The following UPF2 variants were observed in gnomAD, a reference collection of about 807,000 sequenced individuals.
UPF2 encodes regulator of nonsense transcripts 2.
Under a neutral mutation model 141.4 loss-of-function variants are expected in UPF2, and 17 were observed. The ratio of observed to expected loss-of-function variants is 0.12; its 90% CI spans 0.08 to 0.18. The LOEUF (loss-of-function observed/expected upper bound fraction) is 0.18. UPF2 is among the 10% of genes least tolerant of loss of function. The pLI is 1.00. For synonymous variants in UPF2, 540 were observed against 498.0 expected, an observed-to-expected ratio of 1.08 and a Z score of -1.12; for missense variants, 1,152 against 1,515.9, an observed-to-expected ratio of 0.76 and a Z score of 3.99.
At chr10:11,952,777 G>C (rs80213732) in intron 14 of UPF2, among the ~76,000 whole-genome samples, 1 of 151,846 alleles carries the variant, frequency 6.6e-6, no homozygotes, top group East Asian at 1.9e-4. Context: ...CCCGGCCCTA[G>C]ATATCTTTTT....
intron 3 of UPF2, among the ~76,000 whole-genome samples, chr10:12,018,882 T>C (rs924417119): frequency 5.9e-5 from 9 of 152,158 alleles, no homozygotes; most frequent in Non-Finnish European, 1.2e-4. Context: ...CAGGAAAAGG[T>C]TTTCAGTTTA....
At chr10:11,975,969 G>A (rs1160184105) in intron 9 of UPF2, among the ~76,000 whole-genome samples, 1 of 152,148 alleles carries the variant, frequency 6.6e-6, no homozygotes, top group Non-Finnish European at 1.5e-5. Flanking sequence ...TTGGTACATA[G>A]ATTTGTTTAC....
At chr10:11,986,113 T>TG (rs1833687988) in intron 8 of UPF2, among the ~76,000 whole-genome samples, 1 of 151,730 alleles carries the variant, frequency 6.6e-6, no homozygotes, top group African/African-American at 2.4e-5. Flanking sequence ...CTCGATCTCC[T>TG]GACCTTGTGA....
At chr10:11,955,147 C>T (rs546948991) in intron 14 of UPF2, 85 bp downstream of exon 14, 17 of 1,268,188 alleles carry the variant, frequency 1.3e-5, no homozygotes, top group Non-Finnish European at 1.7e-5. Flanking sequence ...ATATGAATAC[C>T]ATAACGTTTC....
chr10:12,012,253 C>T (rs1834140930), intron 4 of UPF2, among the ~76,000 whole-genome samples: 1 of 4,674 alleles, frequency 2.1e-4, no homozygotes, highest in Non-Finnish European at 3.6e-4. Flanking sequence ...AGTAGAGACA[C>T]GGTTTCACCA....
At chr10:11,997,222 GC>G (rs1833879089) in intron 8 of UPF2, among the ~76,000 whole-genome samples, 1 of 152,032 alleles carries the variant, frequency 6.6e-6, no homozygotes, top group Admixed American at 6.6e-5. Flanking sequence ...GAGTCTCTAG[GC>G]AGGCTATCAT....
At position 12,031,030 on chromosome 10, in the gene UPF2, C is replaced by T. The variant is rs576090056; in HGVS notation, c.366-1506G>A. Among the ~76,000 whole-genome samples the T allele has an allele frequency of 4.1e-5, 6 of 147,810 alleles. No individual in the cohort carries two copies. The East Asian group carries it at 8.0e-4, about 20-fold the overall frequency. On this transcript the variant is annotated intron_variant, in intron 2 of 21. Coordinates refer to ENST00000357604, the MANE Select transcript of UPF2 (RefSeq NM_015542.4). ...TCTACTAAAAATACAAAAAATTAGC[C>T]GGGCGCAGTGGCAGGCACCTGTAAT...
At chr10:11,972,071 A>C (rs1254743795) in intron 9 of UPF2, among the ~76,000 whole-genome samples, 1 of 151,780 alleles carries the variant, frequency 6.6e-6, no homozygotes, top group Non-Finnish European at 1.5e-5. Context: ...CTCAAAAAAA[A>C]AAAAAAAAAA....
intron 2 of UPF2, among the ~76,000 whole-genome samples, chr10:12,031,814 C>T (rs1467437091): frequency 6.6e-6 from 1 of 152,066 alleles, no homozygotes; most frequent in African/African-American, 2.4e-5. Flanking sequence ...TAAAAAAGTA[C>T]ATTTTCATCT....
At chr10:12,036,735 T>C (rs1240124132) in intron 1 of UPF2, among the ~76,000 whole-genome samples, 2 of 152,266 alleles carry the variant, frequency 1.3e-5, no homozygotes, top group South Asian at 2.1e-4. Flanking sequence ...TATAAGAAAA[T>C]CAAAATTCGG....
intron 19 of UPF2, among the ~76,000 whole-genome samples, chr10:11,932,116 TCCAGC>T (rs1332335670): frequency 5.6e-4 from 85 of 151,282 alleles, no homozygotes; most frequent in Middle Eastern, 6.8e-3. Flanking sequence ...GCCACTGCAC[TCCAGC>T]CTGGGCAAAA....
chr10:11,921,267 A>G lies in UPF2; in HGVS notation c.*31T>C. On this transcript the variant is annotated 3_prime_UTR_variant, in exon 22 of 22. Coordinates refer to ENST00000357604, the MANE Select transcript of UPF2 (RefSeq NM_015542.4). This position sits in a 1 kb window ranked among gnomAD's most constrained non-coding sequence, Gnocchi z 5.9. ...CTCCACTAACCACAACATCAGATAC[A>G]GGACCTAATGAAATGACACGTGCTG... 1 of 1,614,032 alleles carries G rather than the reference A, an allele frequency of 6.2e-7. No individual in the cohort carries two copies. Among genetic ancestry groups the G allele is most frequent in the Non-Finnish European group, 8.5e-7 (1 of 1,179,884 alleles).
chr10:11,952,249 G>A lies in UPF2; in HGVS notation c.2851C>T (p.Arg951Cys). 1 of 1,578,202 alleles carries A rather than the reference G, an allele frequency of 6.3e-7. No homozygotes were observed. The highest frequency in any genetic ancestry group is 8.6e-7 in the Non-Finnish European group (1 of 1,168,834). Residue 951 changes from arginine (R) to cysteine (C), a missense_variant and splice_region_variant, in exon 15 of 22, where the codon CGT becomes TGT. Physicochemically the swap from Arg to Cys is radical, Grantham distance 180. Coordinates refer to ENST00000357604, the MANE Select transcript of UPF2 (RefSeq NM_015542.4). ...AAACTTTTCTTCCACCAAACATAACGCTGATAACAAATGAAAAATAAATTT... is the reference window on the plus strand; with the variant it reads ...AAACTTTTCTTCCACCAAACATAACACTGATAACAAATGAAAAATAAATTT... ...KLDCFLVYFQ[R>C]YVWWKKSLEV...
Position 11,936,404 on chromosome 10 carries a change from A to T in UPF2, c.3546+141T>A. 1.1e-6 allele frequency: 1 copy of T among 895,362 alleles called. No individual in the cohort carries two copies. Among genetic ancestry groups the T allele is most frequent in the East Asian group, 3.1e-5 (1 of 32,008 alleles). The allele number at this position is 895,362 out of a possible 1,614,324, so 55.5% of individuals were successfully genotyped here. On this transcript the variant is annotated intron_variant, in intron 19 of 21. Transcript: ENST00000357604. The surrounding 1 kb of genome is among the most constrained non-coding windows in gnomAD (Gnocchi z 6.6). The stretch of plus-strand genomic sequence containing the variant: ...CAAAAACAAAAACAAAAACAAAAAA[A>T]ACTATATAAGGGAAGAAATTATTCT...
intron 11 of UPF2, among the ~76,000 whole-genome samples, chr10:11,961,029 G>A (rs531510349): frequency 1.3e-5 from 2 of 150,516 alleles, no homozygotes; most frequent in East Asian, 2.0e-4. Context: ...GTTGGAGGCT[G>A]CAGTGAGCTA....
At chr10:11,949,016 G>A (rs911484156) in intron 15 of UPF2, among the ~76,000 whole-genome samples, 3 of 152,156 alleles carry the variant, frequency 2.0e-5, no homozygotes, top group Admixed American at 1.3e-4. Flanking sequence ...GGGGCAAAAC[G>A]CCATAGCAGC....
chr10:11,994,874 G>A (rs1337937115), intron 8 of UPF2, among the ~76,000 whole-genome samples: 1 of 150,680 alleles, frequency 6.6e-6, no homozygotes. Context: ...TACTTGGGAG[G>A]CTGAGGCAGG....
At chr10:11,948,587 T>C (rs1833034500) in intron 15 of UPF2, 79 bp from the exon 16 acceptor site, 1 of 1,437,422 alleles carries the variant, frequency 7.0e-7, no homozygotes, top group Non-Finnish European at 9.4e-7. Flanking sequence ...CCAATTCATG[T>C]AAAAGTATGC....
chr10:11,924,507 G>A (rs1199384823), intron 21 of UPF2, among the ~76,000 whole-genome samples: 2 of 152,180 alleles, frequency 1.3e-5, no homozygotes, highest in Non-Finnish European at 2.9e-5. Flanking sequence ...GAACCCAGGA[G>A]GTGGAGGGTG....
Sources: gnomAD v4.1 joint callset for allele counts (sites outside exome capture counted in the v4.1 genomes callset) on GRCh38, gnomAD v4.1.1 for gene constraint, Gnocchi (gnomAD v3.1) non-coding constraint, MANE v1.5 for transcripts, NCBI Gene and HGNC (gene_info 2026-07-23, HGNC 2026-07-21) for gene names.